PIWIL1: variants seen among roughly 807,000 people sequenced by gnomAD.
The protein encoded by PIWIL1 is piwi-like protein 1.
PIWIL1 carries 73 observed loss-of-function variants against 114.4 expected under a neutral mutation model. That is an observed-to-expected ratio of 0.64 (90% CI 0.53 to 0.78). The LOEUF is 0.78. PIWIL1 is among the 30% of genes least tolerant of loss of function. PIWIL1 has a pLI of 0.00. For missense variants in PIWIL1, 723 were observed against 1,063.1 expected, an observed-to-expected ratio of 0.68 and a Z score of 4.45; for synonymous variants, 375 against 369.0, an observed-to-expected ratio of 1.02 and a Z score of -0.19.
At chr12:130,344,445 A>AGACGTGATATTTAAAACTTCT (rs57518254) in intron 3 of PIWIL1, among the ~76,000 whole-genome samples, 25,508 of 151,960 alleles carry the variant, frequency 0.17, 2,308 homozygotes, top group African/African-American at 0.21. Flanking sequence ...AAAGTGCTTT[A>AGACGTGATATTTAAAACTTCT]GACGTGATAT....
Position 130,356,931 on chromosome 12 carries a change from C to A in PIWIL1, c.1418C>A (p.Pro473Gln). The A allele has an allele frequency of 6.2e-7, 1 of 1,605,282 alleles. No individual in the cohort carries two copies. The highest frequency in any genetic ancestry group is 8.5e-7 in the Non-Finnish European group (1 of 1,174,670). ...ACTCTCTTCTAGTTTGATTACAATC[C>A]ACAATTTGCAGATTGGTCCAAAGAA... ...HQGGKTFDYNPQFADWSKETR... is the reference protein window; with the variant it reads ...HQGGKTFDYNQQFADWSKETR... The change falls in exon 13 of 21, where the codon CCA becomes CAA. Residue 473 changes from proline to glutamine, a missense_variant. This residue lies in a region of PIWIL1 where 298 missense variants were observed against 420.8 expected (regional missense o/e 0.71). Transcript: ENST00000245255.
the PIWIL1 span, among the ~76,000 whole-genome samples, chr12:130,394,533 A>G: frequency 1.3e-5 from 2 of 152,200 alleles, no homozygotes; most frequent in African/African-American, 4.8e-5. Flanking sequence ...AAAGCTTCCA[A>G]TATACCTGCA....
rs752935018 is a variant in PIWIL1 at position 130,371,492 on chromosome 12, G to A, written c.2480G>A (p.Arg827His). ...TTCCTTCCACTAAAGGGTGTCATTC[G>A]TGTTCCTGCTCCTTGCCAGTACGCC... is the stretch of plus-strand genomic sequence containing the variant. Reference protein sequence around the residue: ...HIYYNWPGVIRVPAPCQYAHK... With the variant: ...HIYYNWPGVIHVPAPCQYAHK... The change falls in exon 21 of 21, where the codon CGT (arginine) becomes CAT (histidine). Residue 827 changes from arginine (R) to histidine (H), a missense_variant. Physicochemically the swap from Arg to His is conservative, Grantham distance 29. Transcript: ENST00000245255. 4.3e-6 allele frequency: 7 copies of A among 1,613,982 alleles called. No individual in the cohort carries two copies. Among genetic ancestry groups the A allele is most frequent in the East Asian group, 2.2e-5 (1 of 44,878 alleles).
At chr12:130,402,620 C>T in the PIWIL1 span, among the ~76,000 whole-genome samples, 23 of 152,190 alleles carry the variant, frequency 1.5e-4, no homozygotes, top group African/African-American at 5.3e-4. Flanking sequence ...TGCTTCTCTC[C>T]TACGCCTCAT....
intron 14 of PIWIL1, among the ~76,000 whole-genome samples, chr12:130,357,985 C>T (rs1303850829): frequency 2.0e-5 from 3 of 152,230 alleles, no homozygotes; most frequent in African/African-American, 7.2e-5. Context: ...CCCTGAGTGA[C>T]ACTCAGCAGC....
At chr12:130,361,746 C>G (rs2073515474) in intron 16 of PIWIL1, 145 bp downstream of exon 16, 1 of 638,534 alleles carries the variant, frequency 1.6e-6, no homozygotes, top group African/African-American at 1.8e-5. Flanking sequence ...AAATAATGAC[C>G]TACCCTAGCT....
chr12:130,346,740 G>T (rs974915256), intron 5 of PIWIL1, among the ~76,000 whole-genome samples, 156 bp downstream of exon 5: 33 of 152,158 alleles, frequency 2.2e-4, no homozygotes, highest in African/African-American at 7.5e-4. Flanking sequence ...TTGTAGCATT[G>T]TCAGATTTGT....
intron 18 of PIWIL1, among the ~76,000 whole-genome samples, chr12:130,363,682 A>G (rs550069441): frequency 7.0e-5 from 10 of 142,432 alleles, no homozygotes; most frequent in Non-Finnish European, 1.3e-4. Context: ...CAGTGGCACA[A>G]TCTCGGCTCA....
intron 1 of PIWIL1, chr12:130,342,155 CGTGTGTGTGTGTGTGT>C (rs56124149): frequency 4.7e-4 from 63 of 134,892 alleles, no homozygotes; most frequent in Non-Finnish European, 8.6e-4. Context: ...TGCCTGTTTC[CGTGTGTGTGTGTGTGT>C]GTGTGTGTGT....
At position 130,354,608 on chromosome 12, in the gene PIWIL1, T is replaced by G; in HGVS notation, c.1116T>G (p.Pro372=). The part of the protein sequence containing the change: ...LVSQPKRRRG[P]GGTLPGPAML... Reference sequence around the variant, plus strand: ...GCCAGCCCAAGAGAAGGCGGGGCCCTGGGGGGACACTGCCAGGGCCTGCCA... The same window carrying G: ...GCCAGCCCAAGAGAAGGCGGGGCCCGGGGGGGACACTGCCAGGGCCTGCCA... The change falls in exon 10 of 21, where the codon CCT becomes CCG. Residue 372 remains proline (P), a synonymous_variant. Coordinates refer to ENST00000245255, the MANE Select transcript of PIWIL1 (RefSeq NM_004764.5). The G allele has an allele frequency of 6.2e-7, 1 of 1,612,738 alleles. No homozygotes were observed. The highest frequency in any genetic ancestry group is 8.5e-7 in the Non-Finnish European group (1 of 1,179,594).
the PIWIL1 span, among the ~76,000 whole-genome samples, chr12:130,402,213 G>A: frequency 6.6e-6 from 1 of 152,132 alleles, no homozygotes; most frequent in Non-Finnish European, 1.5e-5. Flanking sequence ...CCTAAGTTCC[G>A]TTCTGTTTGG....
the PIWIL1 span, among the ~76,000 whole-genome samples, chr12:130,383,172 A>T: frequency 0.037 from 5,677 of 152,304 alleles, 179 homozygotes; most frequent in South Asian, 0.13. Context: ...AGATGCATAA[A>T]TAGATTTGCA....
At chr12:130,397,525 C>A in the PIWIL1 span, 1 of 399,050 alleles carries the variant, frequency 2.5e-6, no homozygotes, top group Non-Finnish European at 4.4e-6. Flanking sequence ...GCTCTCCTTG[C>A]TGTACCTGAA....
chr12:130,369,636 A>G (rs2136198660), intron 19 of PIWIL1, among the ~76,000 whole-genome samples: 1 of 152,290 alleles, frequency 6.6e-6, no homozygotes, highest in Non-Finnish European at 1.5e-5. Context: ...CATTTCTCTA[A>G]TGATCAGTGA....
chr12:130,419,767 C>T, the PIWIL1 span: 1 of 152,082 alleles, frequency 6.6e-6, no homozygotes, highest in South Asian at 2.1e-4. This position sits in a 1 kb window ranked among gnomAD's most constrained non-coding sequence, Gnocchi z 4.3. Flanking sequence ...CGTGGTGCTT[C>T]GGTTTTAGAA....
chr12:130,375,389 C>T (rs1295204322), downstream of PIWIL1, among the ~76,000 whole-genome samples: 1 of 152,186 alleles, frequency 6.6e-6, no homozygotes, highest in Non-Finnish European at 1.5e-5. Flanking sequence ...GTTTTTCATA[C>T]CTTGTCTCCT....
At chr12:130,413,863 G>T in the PIWIL1 span, among the ~76,000 whole-genome samples, 1 of 152,014 alleles carries the variant, frequency 6.6e-6, no homozygotes, top group Admixed American at 6.6e-5. Context: ...TCTCAACAAC[G>T]TAGGCCCTAA....
the PIWIL1 span, among the ~76,000 whole-genome samples, chr12:130,380,924 A>G: frequency 6.6e-6 from 1 of 152,212 alleles, no homozygotes; most frequent in Non-Finnish European, 1.5e-5. Flanking sequence ...AGCAAGTCCA[A>G]TGAGTCTTCT....
intron 9 of PIWIL1, chr12:130,351,515 T>C (rs577335116): frequency 3.4e-4 from 52 of 152,368 alleles, no homozygotes; most frequent in African/African-American, 1.2e-3. Context: ...ATGTTGCCAG[T>C]GTTGAATGTG....
Sources: allele counts gnomAD v4.1 joint callset (sites outside exome capture counted in the v4.1 genomes callset), GRCh38; gene constraint gnomAD v4.1.1; regional missense constraint gnomAD v4.1.1; non-coding constraint Gnocchi (gnomAD v3.1); transcripts MANE v1.5; gene names NCBI Gene and HGNC (gene_info 2026-07-23, HGNC 2026-07-21).